The following HR variants were observed in gnomAD, a reference collection of about 807,000 sequenced individuals.
HR encodes the protein lysine-specific demethylase hairless.
In HR, 83 loss-of-function variants were observed where a neutral mutation model predicts 128.6. That is an observed-to-expected ratio of 0.65 (90% CI 0.54 to 0.77). The LOEUF (loss-of-function observed/expected upper bound fraction) is 0.77, where lower values mean the gene tolerates loss of function less well. Among genes scored for constraint, HR ranks in the 30% least tolerant of loss-of-function variants. HR has a pLI of 0.00. For missense variants in HR, 1,490 were observed against 1,574.6 expected, an observed-to-expected ratio of 0.95 and a Z score of 0.91; for synonymous variants, 681 against 658.2, an observed-to-expected ratio of 1.03 and a Z score of -0.53.
In HR at chr8:22,115,370, T is replaced by A; in HGVS notation, c.*330A>T. ...TGTTTAAGCCAGAATGATTCCCAAG[T>A]TTCCCCAAGGAAGGGCTGTTTGTCT... On this transcript the variant is annotated 3_prime_UTR_variant, in exon 19 of 19. Transcript: ENST00000381418. 1 of 489,866 alleles carries A rather than the reference T, an allele frequency of 2.0e-6. No homozygotes were observed. The highest frequency in any genetic ancestry group is 3.7e-6 in the Non-Finnish European group (1 of 267,160). 30.3% of individuals were successfully genotyped at this position (489,866 alleles called of 1,614,324 possible). A position where few individuals can be genotyped will look rare whatever the true frequency, so the allele number is the denominator to read the frequency against.
intron 4 of HR, 30 bp from the exon 5 acceptor site, chr8:22,125,534 G>A (rs376245103): frequency 1.6e-4 from 265 of 1,613,140 alleles, no homozygotes; most frequent in Non-Finnish European, 2.1e-4. Flanking sequence ...AGGTGAGCAG[G>A]GAGCCCTGGC....
At position 22,127,809 on chromosome 8, in the gene HR, C is replaced by G; in HGVS notation, c.633G>C (p.Pro211=). Residue 211 remains proline, a synonymous_variant, in exon 3 of 19, where the codon CCG becomes CCC. Transcript: ENST00000381418. ...LGSKGFYYKD[P]SIPRLAKEPL... ...GCTCCTTTGCCAACCTGGGAATGCT[C>G]GGATCCTTGTAGTAAAAGCCCTAAA... 1.3e-6 allele frequency: 2 copies of G among 1,598,720 alleles called. No homozygotes were observed. Among genetic ancestry groups the G allele is most frequent in the Non-Finnish European group, 1.7e-6 (2 of 1,179,960 alleles).
In HR at chr8:22,121,183, C is replaced by A. The variant is rs200306863; in HGVS notation, c.2249G>T (p.Arg750Leu). 1.2e-6 allele frequency: 2 copies of A among 1,613,940 alleles called. No homozygotes were observed. The highest frequency in any genetic ancestry group is 2.2e-5 in the South Asian group (2 of 91,084). ...GAGAGAAGGACAAGGCAGGGGCCCT[C>A]GGCCAGCACGGTCCTCTGCTGGGGT... ...AETPAEDRAG[R>L]GPLPCPSLCE... Residue 750 changes from arginine (R) to leucine (L), a missense_variant, in exon 10 of 19, where the codon CGA (arginine) becomes CTA (leucine). This residue lies in a region of HR where 1,060 missense variants were observed against 1,060.9 expected (regional missense o/e 1.00). Coordinates refer to ENST00000381418, the MANE Select transcript of HR (RefSeq NM_005144.5).
At chr8:22,129,232 A>G in intron 1 of HR, 22 bp from the exon 2 acceptor site, 1 of 1,505,328 alleles carries the variant, frequency 6.6e-7, no homozygotes, top group Non-Finnish European at 8.9e-7. Context: ...CCATCAAAGC[A>G]TGAGCTTCTG....
intron 6 of HR, 31 bp downstream of exon 6, chr8:22,123,618 C>CG: frequency 4.2e-5 from 4 of 96,312 alleles, no homozygotes; most frequent in South Asian, 9.8e-5. Flanking sequence ...AGGGCTCCAT[C>CG]CCGCCCTCCC....
intron 8 of HR, 126 bp downstream of exon 8, chr8:22,122,367 G>T: frequency 1.5e-6 from 1 of 676,838 alleles, no homozygotes. Flanking sequence ...CCCCAAGGTG[G>T]GAATTAGCCT....
chr8:22,119,022 G>C lies in HR; in HGVS notation c.3141C>G (p.Gly1047=). ...CGTGCCACACAGTGCTGACCTGGCTGCCCGGAGACCAGAGCCCCTCCCCGT... is the reference window on the plus strand; with the variant it reads ...CGTGCCACACAGTGCTGACCTGGCTCCCCGGAGACCAGAGCCCCTCCCCGT... The part of the protein sequence containing the change: ...GLDGEGLWSP[G]SQVSTVWHVF... The change falls in exon 16 of 19, where the codon GGC becomes GGG. Residue 1047 remains glycine (G), a synonymous_variant. Transcript: ENST00000381418. The C allele has an allele frequency of 2.5e-6, 4 of 1,613,212 alleles. No individual in the cohort carries two copies. The highest frequency in any genetic ancestry group is 2.5e-6 in the Non-Finnish European group (3 of 1,179,954).
rs531754114 is a variant in HR at position 22,120,817 on chromosome 8, G to A, written c.2509C>T (p.Pro837Ser). 1.2e-5 allele frequency: 18 copies of A among 1,548,624 alleles called. No homozygotes were observed. The African/African-American group carries it at 2.3e-4, about 20-fold the overall frequency. The change falls in exon 11 of 19, where the codon CCC (proline) becomes TCC (serine). Residue 837 changes from proline (P) to serine (S), a missense_variant. By Grantham distance (74) the Pro-to-Ser change is moderately conservative. Around this residue, in one of 3 missense-constraint regions of HR, gnomAD observed 423 missense variants for 495.9 expected, o/e 0.85. Transcript: ENST00000381418. ...AAAGCCCCTGGGGGAGGCAGCCGGG[G>A]CCGCACTGGAGAGAGGGGCAGGCCC... ...GLGLPLSPVR[P>S]RLPPPGALLW...
At chr8:22,119,666 G>T (rs1290679147) in intron 14 of HR, 94 bp downstream of exon 14, 1 of 1,418,406 alleles carries the variant, frequency 7.1e-7, no homozygotes, top group African/African-American at 1.4e-5. Context: ...AGCGCTTCAG[G>T]CCCCAGGGCC....
chr8:22,116,527 C>T lies in HR; in HGVS notation c.3379-99G>A, dbSNP rs1419563361. ...CGCTTCCTCTAATGACAACCACCCCCGACCCCTGGCTCTCAGAGAGCAGAT... is the reference window on the plus strand; with the variant it reads ...CGCTTCCTCTAATGACAACCACCCCTGACCCCTGGCTCTCAGAGAGCAGAT... On this transcript the variant is annotated intron_variant, in intron 17 of 18. Transcript: ENST00000381418. This position sits in a 1 kb window ranked among gnomAD's most constrained non-coding sequence, Gnocchi z 4.2. 6.3e-5 allele frequency: 90 copies of T among 1,419,964 alleles called. 1 individual carries two copies. Among genetic ancestry groups the T allele is most frequent in the Non-Finnish European group, 7.2e-5 (76 of 1,050,060 alleles). 88.0% of individuals were successfully genotyped at this position (1,419,964 alleles called of 1,614,324 possible). A position where few individuals can be genotyped will look rare whatever the true frequency, so the allele number is the denominator to read the frequency against.
rs1286474433 is a variant in HR at position 22,115,721 on chromosome 8, C to T, written c.3549G>A (p.Gly1183=). 1.2e-6 allele frequency: 2 copies of T among 1,613,974 alleles called. No individual in the cohort carries two copies. The highest frequency in any genetic ancestry group is 1.1e-5 in the South Asian group (1 of 91,066). Residue 1183 remains glycine, a synonymous_variant, in exon 19 of 19, where the codon GGG becomes GGA. Transcript: ENST00000381418. The part of the protein sequence containing the change: ...AVFQAVKVAV[G]TLQEAK The stretch of plus-strand genomic sequence containing the variant: ...CCCTCTATTTGGCCTCCTGTAATGT[C>T]CCCACGGCCACCTTCACTGCTTGGA...
chr8:22,128,159 TG>T lies in HR; in HGVS notation c.613-331del. On this transcript the variant is annotated intron_variant, in intron 2 of 18. Coordinates refer to ENST00000381418, the MANE Select transcript of HR (RefSeq NM_005144.5). ...TTTAAGTGTTTTAACATCTCATCCC[TG>T]GGAGTGGGAGTCATCTATGGAGGAG... 4 of 512,498 alleles carry T rather than the reference TG, an allele frequency of 7.8e-6. No individual in the cohort carries two copies. The South Asian group carries it at 8.3e-5, about 11-fold the overall frequency. The allele number at this position is 512,498 out of a possible 1,614,324, so 31.7% of individuals were successfully genotyped here.
At position 22,130,918 on chromosome 8, in the gene HR, C is replaced by G. The variant is rs1197832378; in HGVS notation, c.-531G>C. The stretch of plus-strand genomic sequence containing the variant: ...CTGGGACCCAGGAGAGAGGCACCGG[C>G]GAGGGCGCAGCACCGCGCAGCGCGG... On this transcript the variant is annotated 5_prime_UTR_variant, in exon 1 of 19. Transcript: ENST00000381418. The G allele has an allele frequency of 6.6e-6, 1 of 151,998 alleles. No individual in the cohort carries two copies. Among genetic ancestry groups the G allele is most frequent in the African/African-American group, 2.4e-5 (1 of 41,196 alleles). 9.4% of individuals were successfully genotyped at this position (151,998 alleles called of 1,614,324 possible). A position where few individuals can be genotyped will look rare whatever the true frequency, so the allele number is the denominator to read the frequency against.
chr8:22,130,246 AG>A (rs1827015180), intron 1 of HR, among the ~76,000 whole-genome samples, 181 bp downstream of exon 1: 1 of 152,290 alleles, frequency 6.6e-6, no homozygotes, highest in African/African-American at 2.4e-5. Flanking sequence ...GAGGGCGCCC[AG>A]GTTTTCTGGA....
rs772030324 is a variant in HR, at chr8:22,121,666, G to C, written c.2150C>G (p.Thr717Ser). The C allele has an allele frequency of 6.2e-7, 1 of 1,614,178 alleles. No individual in the cohort carries two copies. Among genetic ancestry groups the C allele is most frequent in the South Asian group, 1.1e-5 (1 of 91,086 alleles). ...QKESTQKTPPTPQPSCNGDTH... is the reference protein window; with the variant it reads ...QKESTQKTPPSPQPSCNGDTH... ...GTCGCCATTGCAGGAAGGTTGTGGA[G>C]TTGGGGGCGTTTTCTGTGTTGATTC... The change falls in exon 9 of 19, where the codon ACT (threonine) becomes AGT (serine). Residue 717 changes from threonine to serine, a missense_variant. Coordinates refer to ENST00000381418, the MANE Select transcript of HR (RefSeq NM_005144.5).
Position 22,121,058 on chromosome 8 carries a change from C to T in HR, c.2367+7G>A, listed in dbSNP as rs373625154. 1.2e-6 allele frequency: 2 copies of T among 1,613,564 alleles called. No individual in the cohort carries two copies. Among genetic ancestry groups the T allele is most frequent in the Admixed American group, 3.3e-5 (2 of 60,034 alleles). ...GCTCCTAGCCCTCCCTCCGTGCCCTCACTCACACTGGGCAGGGCCGGAGTG... is the reference window on the plus strand; with the variant it reads ...GCTCCTAGCCCTCCCTCCGTGCCCTTACTCACACTGGGCAGGGCCGGAGTG... On this transcript the variant is annotated splice_region_variant and intron_variant, in intron 10 of 18. Coordinates refer to ENST00000381418, the MANE Select transcript of HR (RefSeq NM_005144.5).
rs752427116 is a variant in HR, at chr8:22,125,468, G to A, written c.1593C>T (p.Asp531=). The change falls in exon 5 of 19, where the codon GAC becomes GAT. Residue 531 remains aspartate (D), a synonymous_variant. Transcript: ENST00000381418. ...CCTCAGAGCTGGAGTTGGTGGCTGT[G>A]TCTTCCTCCTGCTGCAGCTCCCCTC... is the stretch of plus-strand genomic sequence containing the variant. The part of the protein sequence containing the change: ...PLGGELQQEE[D]TATNSSSEEG... The A allele has an allele frequency of 1.9e-6, 3 of 1,613,560 alleles. No individual in the cohort carries two copies. In the South Asian group the frequency reaches 3.3e-5, roughly 18 times the overall value.
Position 22,129,035 on chromosome 8 carries a change from G to C in HR, c.136C>G (p.Pro46Ala), listed in dbSNP as rs760827763. 11 of 1,605,560 alleles carry C rather than the reference G, an allele frequency of 6.9e-6. No individual in the cohort carries two copies. Among genetic ancestry groups the C allele is most frequent in the Admixed American group, 5.1e-5 (3 of 59,268 alleles). The change falls in exon 2 of 19, where the codon CCT becomes GCT. Residue 46 changes from proline to alanine, a missense_variant. Pro to Ala is a conservative substitution (Grantham distance 27, BLOSUM62 -1). This residue lies in a region of HR where 1,060 missense variants were observed against 1,060.9 expected (regional missense o/e 1.00). Transcript: ENST00000381418. Reference sequence around the variant, plus strand: ...AGGACGCCCCTCCAAAAGGGAGCAGGCTCTCCCAGGCACAGCGGCCCATGG... The same window carrying C: ...AGGACGCCCCTCCAAAAGGGAGCAGCCTCTCCCAGGCACAGCGGCCCATGG... ...LHHGPLCLGE[P>A]APFWRGVLST...
In HR at chr8:22,128,941, T is replaced by C. The variant is rs1360397746; in HGVS notation, c.230A>G (p.Glu77Gly). 6.2e-7 allele frequency: 1 copy of C among 1,613,414 alleles called. No individual in the cohort carries two copies. Among genetic ancestry groups the C allele is most frequent in the Admixed American group, 1.7e-5 (1 of 60,032 alleles). The change falls in exon 2 of 19, where the codon GAG becomes GGG. Residue 77 changes from glutamate to glycine, a missense_variant. Transcript: ENST00000381418. ...CTCCCCATTCTGGGGGCCCTCGCCC[T>C]CCACAAGTGGGAGCATGTCCTTGGG... Reference protein sequence around the residue: ...QGPKDMLPLVEGEGPQNGERK... With the variant: ...QGPKDMLPLVGGEGPQNGERK...
Sources: gnomAD v4.1 joint callset for allele counts (sites outside exome capture counted in the v4.1 genomes callset) on GRCh38, gnomAD v4.1.1 for gene constraint, gnomAD v4.1.1 regional missense constraint, Gnocchi (gnomAD v3.1) non-coding constraint, MANE v1.5 for transcripts, NCBI Gene and HGNC (gene_info 2026-07-23, HGNC 2026-07-21) for gene names.